The following CAMK1D variants were observed in gnomAD, a reference collection of about 807,000 sequenced individuals.
CAMK1D encodes the protein calcium/calmodulin-dependent protein kinase type 1D.
Under a neutral mutation model 47.7 loss-of-function variants are expected in CAMK1D, and 9 were observed. That is an observed-to-expected ratio of 0.19 (90% CI 0.11 to 0.33). The LOEUF is 0.33. Ranked by LOEUF, CAMK1D falls within the 10% of genes least tolerant of loss-of-function variation. The probability of loss-of-function intolerance (pLI) is 1.00; values close to 1 mark genes in which losing one functional copy is unlikely to be tolerated. For missense variants in CAMK1D, 291 were observed against 488.7 expected (o/e 0.60, Z 3.81); for synonymous variants, 184 against 184.9 (o/e 0.99, Z 0.04).
chr10:12,783,429 G>C (rs1405369082), intron 5 of CAMK1D, among the ~76,000 whole-genome samples: 1 of 152,222 alleles, frequency 6.6e-6, no homozygotes, highest in African/African-American at 2.4e-5. Context: ...AGGCCACACA[G>C]ACTTCCATGG....
At chr10:12,558,509 G>A (rs1998963) in intron 2 of CAMK1D, among the ~76,000 whole-genome samples, 49,584 of 151,814 alleles carry the variant, frequency 0.33, 8,092 homozygotes, top group Middle Eastern at 0.45. Flanking sequence ...AACCGAGATC[G>A]TGCCGTTGCA....
chr10:12,692,828 G>GGAGC (rs1263240587), intron 3 of CAMK1D, among the ~76,000 whole-genome samples: 2 of 152,152 alleles, frequency 1.3e-5, no homozygotes, highest in African/African-American at 4.8e-5. Flanking sequence ...ACACAAAGAT[G>GGAGC]GAGCGTCTTC....
At chr10:12,643,769 A>T (rs1245210728) in intron 2 of CAMK1D, among the ~76,000 whole-genome samples, 2 of 151,970 alleles carry the variant, frequency 1.3e-5, no homozygotes, top group Non-Finnish European at 2.9e-5. Flanking sequence ...CTGTAATCCC[A>T]GCTACTCAGG....
intron 3 of CAMK1D, among the ~76,000 whole-genome samples, chr10:12,734,345 A>AAT (rs1212612487): frequency 1.3e-3 from 11 of 8,476 alleles, no homozygotes; most frequent in South Asian, 3.8e-3. Context: ...AAAAAAAAAA[A>AAT]ATATATATAT....
intron 3 of CAMK1D, among the ~76,000 whole-genome samples, chr10:12,736,366 C>CT (rs2130830223): frequency 6.6e-6 from 1 of 152,302 alleles, no homozygotes; most frequent in Non-Finnish European, 1.5e-5. Context: ...GCTCAGGTCT[C>CT]TGACTGTTGA....
intron 3 of CAMK1D, among the ~76,000 whole-genome samples, chr10:12,719,559 G>A (rs1834291507): frequency 6.6e-6 from 1 of 152,188 alleles, no homozygotes; most frequent in Admixed American, 6.5e-5. Context: ...GAAGGAGTGA[G>A]TAGGCTGGAT....
chr10:12,503,870 G>C (rs746941853), intron 1 of CAMK1D, among the ~76,000 whole-genome samples: 2 of 152,098 alleles, frequency 1.3e-5, no homozygotes, highest in African/African-American at 2.4e-5. Flanking sequence ...AAAAGTTCGA[G>C]TTCTTAGGCA....
rs577993501 is a variant in CAMK1D, at chr10:12,697,678, C to T, written c.299+30868C>T. On this transcript the variant is annotated intron_variant, in intron 3 of 10. Transcript: ENST00000619168. The stretch of plus-strand genomic sequence containing the variant: ...CCTCCCAAAGTGCTGGGATTGCAGG[C>T]GTGAGCCACTCCACCCAGCCAAATG... Among the ~76,000 whole-genome samples, 99 of 152,302 alleles carry T rather than the reference C, an allele frequency of 6.5e-4. 1 individual carries two copies. The highest frequency in any genetic ancestry group is 3.4e-3 in the Middle Eastern group (1 of 294).
intron 1 of CAMK1D, among the ~76,000 whole-genome samples, chr10:12,358,754 G>A: frequency 6.6e-6 from 1 of 152,138 alleles, no homozygotes; most frequent in African/African-American, 2.4e-5. Flanking sequence ...TGCCTTGTGG[G>A]ATTGTTGTAA....
At chr10:12,352,945 G>A (rs1323880018) in intron 1 of CAMK1D, among the ~76,000 whole-genome samples, 1 of 152,008 alleles carries the variant, frequency 6.6e-6, no homozygotes, top group African/African-American at 2.4e-5. Context: ...CACCGTGTTA[G>A]CCAGGATGGT....
intron 3 of CAMK1D, among the ~76,000 whole-genome samples, chr10:12,731,373 CT>C (rs1346830378): frequency 2.6e-5 from 4 of 152,188 alleles, no homozygotes; most frequent in African/African-American, 4.8e-5. Context: ...AAGTCATCTG[CT>C]GAGAATCTTG....
Position 12,553,320 on chromosome 10 carries a change from A to C in CAMK1D, c.188A>C (p.Glu63Ala). 6.2e-7 allele frequency: 1 copy of C among 1,614,150 alleles called. No homozygotes were observed. The highest frequency in any genetic ancestry group is 8.5e-7 in the Non-Finnish European group (1 of 1,179,996). ...CIPKKALKGKESSIENEIAVL... is the reference protein window; with the variant it reads ...CIPKKALKGKASSIENEIAVL... ...CCTAAGAAGGCGCTGAAGGGCAAGG[A>C]AAGCAGCATAGAGAATGAGATAGCC... Residue 63 changes from glutamate to alanine, a missense_variant, in exon 2 of 11, where the codon GAA (glutamate) becomes GCA (alanine). Glu to Ala is a moderately radical substitution (Grantham distance 107, BLOSUM62 -1). Transcript: ENST00000619168.
At chr10:12,828,406 T>C (rs2431625) in intron 10 of CAMK1D, among the ~76,000 whole-genome samples, 131,104 of 152,054 alleles carry the variant, frequency 0.86, 56,556 homozygotes, top group East Asian at 0.95. Flanking sequence ...TTTGGGAGGC[T>C]GAGGTGGGTG....
At chr10:12,779,007 G>A (rs1052398110) in intron 5 of CAMK1D, among the ~76,000 whole-genome samples, 1 of 152,190 alleles carries the variant, frequency 6.6e-6, no homozygotes, top group South Asian at 2.1e-4. Flanking sequence ...GCAGGCAGGG[G>A]GAGCAGAGGC....
At chr10:12,590,045 A>T (rs1214609581) in intron 2 of CAMK1D, among the ~76,000 whole-genome samples, 2 of 152,080 alleles carry the variant, frequency 1.3e-5, no homozygotes, top group African/African-American at 4.8e-5. Context: ...CCGCAAGCTG[A>T]TCCTTCTCTA....
intron 2 of CAMK1D, among the ~76,000 whole-genome samples, chr10:12,576,768 C>T (rs377430214): frequency 5.9e-5 from 9 of 152,178 alleles, no homozygotes; most frequent in East Asian, 5.8e-4. Context: ...GTGTGCGGCC[C>T]GGTTCCACGG....
intron 8 of CAMK1D, among the ~76,000 whole-genome samples, chr10:12,818,609 TG>T (rs1832899424): frequency 6.6e-6 from 1 of 151,544 alleles, no homozygotes; most frequent in South Asian, 2.1e-4. Context: ...AGGCGGAGCT[TG>T]CAGTGAGCCA....
chr10:12,636,792 T>A (rs1044599118), intron 2 of CAMK1D, among the ~76,000 whole-genome samples: 1 of 152,186 alleles, frequency 6.6e-6, no homozygotes, highest in Non-Finnish European at 1.5e-5. Context: ...AAGTTTTGAT[T>A]CTGGCATCTT....
chr10:12,733,288 A>G (rs1414336463), intron 3 of CAMK1D, among the ~76,000 whole-genome samples: 1 of 152,244 alleles, frequency 6.6e-6, no homozygotes, highest in Non-Finnish European at 1.5e-5. Flanking sequence ...CCAAGAAGAC[A>G]TCTTCCTTAG....
Sources: allele counts gnomAD v4.1 joint callset (sites outside exome capture counted in the v4.1 genomes callset), GRCh38; gene constraint gnomAD v4.1.1; transcripts MANE v1.5; gene names NCBI Gene and HGNC (gene_info 2026-07-23, HGNC 2026-07-21).